The following PDE4D variants were observed in gnomAD, a reference collection of about 807,000 sequenced individuals.
The protein encoded by PDE4D is phosphodiesterase 4D, also known as 3',5'-cyclic-AMP phosphodiesterase 4D.
In PDE4D, 24 loss-of-function variants were observed where a neutral mutation model predicts 87.4. That is an observed-to-expected ratio of 0.27 (90% CI 0.20 to 0.39). The LOEUF is 0.39. PDE4D is among the 10% of genes least tolerant of loss of function. The pLI is 1.00. For synonymous variants in PDE4D, 384 were observed against 383.2 expected (o/e 1.00, Z -0.02); for missense variants, 714 against 1,041.0 (o/e 0.69, Z 4.32).
intron 1 of PDE4D, among the ~76,000 whole-genome samples, chr5:59,608,486 T>C (rs944386944): frequency 1.3e-5 from 2 of 152,150 alleles, no homozygotes; most frequent in African/African-American, 4.8e-5. Context: ...ATGTATTTCC[T>C]TGGATATTGG....
At chr5:59,174,749 G>C (rs1361123861) in intron 5 of PDE4D, among the ~76,000 whole-genome samples, 1 of 151,972 alleles carries the variant, frequency 6.6e-6, no homozygotes, top group African/African-American at 2.4e-5. Context: ...GAATCTAATG[G>C]TTTATTTTAC....
In PDE4D at chr5:59,395,769, C is replaced by T. The variant is rs546759157; in HGVS notation, c.456-179801G>A. On this transcript the variant is annotated intron_variant, in intron 1 of 14. Coordinates refer to ENST00000340635, the MANE Select transcript of PDE4D (RefSeq NM_001104631.2). ...CGAGCTGAGAGAAGAAGGCTTCAGA[C>T]GATCAAATTACTCTGAGCTACGGGA... is the stretch of plus-strand genomic sequence containing the variant. Among the ~76,000 whole-genome samples, 1,216 of 127,096 alleles carry T rather than the reference C, an allele frequency of 9.6e-3. 66 individuals are homozygous for T. Among genetic ancestry groups the T allele is most frequent in the African/African-American group, 0.036 (1,151 of 32,226 alleles). 83.4% of individuals were successfully genotyped at this position (127,096 alleles called of 152,430 possible).
Position 59,548,953 on chromosome 5 carries a change from G to T in PDE4D, c.456-332985C>A, listed in dbSNP as rs971947829. 7.9e-5 allele frequency among the ~76,000 whole-genome samples: 12 copies of T among 152,044 alleles called. 1 individual carries two copies. Among genetic ancestry groups the T allele is most frequent in the Admixed American group, 7.9e-4 (12 of 15,244 alleles). On this transcript the variant is annotated intron_variant, in intron 1 of 14. Coordinates refer to ENST00000340635, the MANE Select transcript of PDE4D (RefSeq NM_001104631.2). ...TGGGCAAACAGAAATAGGAGTTAGG[G>T]GTGGCTGTAGGTTCCACGAATCATT...
intron 5 of PDE4D, chr5:59,063,165 C>G (rs1297299224): frequency 1.3e-5 from 2 of 152,178 alleles, no homozygotes; most frequent in African/African-American, 2.4e-5. Context: ...ATTGCCTAAA[C>G]CACAGGCTAC....
intron 1 of PDE4D, among the ~76,000 whole-genome samples, chr5:59,559,085 CTCTGTGG>C (rs1222636189): frequency 6.6e-6 from 1 of 152,024 alleles, no homozygotes; most frequent in Non-Finnish European, 1.5e-5. Flanking sequence ...TGGCTCTGTG[CTCTGTGG>C]TCATGAGGAA....
chr5:59,248,646 C>G (rs924215683), intron 1 of PDE4D, among the ~76,000 whole-genome samples: 2 of 151,722 alleles, frequency 1.3e-5, no homozygotes, highest in African/African-American at 4.9e-5. Flanking sequence ...ATGTTTCTCT[C>G]AATGGGTTGC....
chr5:59,900,285 C>CAT (rs1166754492), intron 3 of PDE4D, among the ~76,000 whole-genome samples: 1 of 142,940 alleles, frequency 7.0e-6, no homozygotes, highest in African/African-American at 2.6e-5. Context: ...CACACACACA[C>CAT]ACATATATAT....
chr5:59,148,079 A>G (rs1272863202), intron 5 of PDE4D, among the ~76,000 whole-genome samples: 2 of 152,188 alleles, frequency 1.3e-5, no homozygotes, highest in Non-Finnish European at 1.5e-5. Flanking sequence ...ATGAATTGAT[A>G]TTCAAGCCAA....
At chr5:60,257,238 AAGAAAGAAAGAAAG>A (rs1182668874) in intron 1 of PDE4D, among the ~76,000 whole-genome samples, 1 of 150,124 alleles carries the variant, frequency 6.7e-6, no homozygotes, top group East Asian at 2.0e-4. Context: ...GAAAGAAAGA[AAGAAAGAAAGAAAG>A]AAAAGAAAAG....
rs188270620 is a variant in PDE4D at position 60,141,866 on chromosome 5, C to T, written c.42+43691G>A. ...AAGACATCTAACCAAAATAAATTTA[C>T]TTAACCTGACTCTTGATTTCTCATC... On this transcript the variant is annotated intron_variant, in intron 2 of 16. Coordinates refer to the PDE4D transcript ENST00000502484. 2.6e-3 allele frequency among the ~76,000 whole-genome samples: 401 copies of T among 152,212 alleles called. 3 individuals carry two copies. Among genetic ancestry groups the T allele is most frequent in the African/African-American group, 9.3e-3 (386 of 41,536 alleles).
rs560728683 is a variant in PDE4D, at chr5:59,231,858, G to C, written c.456-15890C>G. On this transcript the variant is annotated intron_variant, in intron 1 of 14. Transcript: ENST00000340635. The stretch of plus-strand genomic sequence containing the variant: ...CATTATGACATTTCTCATTACCTAA[G>C]TGCTTAAGAGATGTTAGAGAATAAG... Among the ~76,000 whole-genome samples the C allele has an allele frequency of 1.2e-4, 19 of 152,222 alleles. No homozygotes were observed. In the East Asian group the frequency reaches 3.5e-3, roughly 28 times the overall value.
chr5:60,462,929 C>A (rs1747070888), intron 1 of PDE4D, among the ~76,000 whole-genome samples: 1 of 152,168 alleles, frequency 6.6e-6, no homozygotes, highest in Non-Finnish European at 1.5e-5. Context: ...ATATGTGGTT[C>A]CAACTTCTGT....
intron 1 of PDE4D, among the ~76,000 whole-genome samples, chr5:59,244,459 T>TATATAC (rs1485552071): frequency 1.5e-4 from 23 of 151,076 alleles, no homozygotes; most frequent in Non-Finnish European, 2.9e-4. Flanking sequence ...CACATATATA[T>TATATAC]ATATACATAT....
At chr5:59,640,887 C>T (rs936884030) in intron 1 of PDE4D, among the ~76,000 whole-genome samples, 2 of 152,202 alleles carry the variant, frequency 1.3e-5, no homozygotes, top group African/African-American at 2.4e-5. Context: ...CATTATCATT[C>T]TGTAACTCCA....
At position 59,280,154 on chromosome 5, in the gene PDE4D, A is replaced by C. The variant is rs554182931; in HGVS notation, c.456-64186T>G. ...AGTTTGTTAGCCATAAAATATGATAAGGTCTTTGACCATCTCACAACATGA... is the reference window on the plus strand; with the variant it reads ...AGTTTGTTAGCCATAAAATATGATACGGTCTTTGACCATCTCACAACATGA... On this transcript the variant is annotated intron_variant, in intron 1 of 14. Coordinates refer to ENST00000340635, the MANE Select transcript of PDE4D (RefSeq NM_001104631.2). Among the ~76,000 whole-genome samples the C allele has an allele frequency of 3.7e-4, 56 of 152,198 alleles. 1 individual carries two copies. Among genetic ancestry groups the C allele is most frequent in the African/African-American group, 1.3e-3 (55 of 41,566 alleles).
intron 1 of PDE4D, among the ~76,000 whole-genome samples, chr5:59,267,444 G>A (rs1412619164): frequency 2.6e-5 from 4 of 152,068 alleles, no homozygotes; most frequent in African/African-American, 7.2e-5. Context: ...TAGATACAAC[G>A]GGAGCACTTT....
At chr5:59,403,129 A>ATAGGTAGGTAGG (rs151232838) in intron 1 of PDE4D, among the ~76,000 whole-genome samples, 28 of 146,490 alleles carry the variant, frequency 1.9e-4, no homozygotes, top group African/African-American at 6.7e-4. Context: ...TTGGTACATA[A>ATAGGTAGGTAGG]TAGGTAGGTA....
chr5:60,317,582 G>A (rs191653532), intron 1 of PDE4D, among the ~76,000 whole-genome samples: 32 of 152,078 alleles, frequency 2.1e-4, no homozygotes, highest in African/African-American at 7.7e-4. Flanking sequence ...GTGATGTTAG[G>A]GTGTCCATTT....
intron 1 of PDE4D, among the ~76,000 whole-genome samples, chr5:59,410,124 G>A (rs1792390744): frequency 6.6e-6 from 1 of 151,746 alleles, no homozygotes; most frequent in African/African-American, 2.4e-5. Flanking sequence ...ATAAATTATT[G>A]TTGACTGTAG....
Sources: gnomAD v4.1 joint callset for allele counts (sites outside exome capture counted in the v4.1 genomes callset) on GRCh38, gnomAD v4.1.1 for gene constraint, MANE v1.5 for transcripts, NCBI Gene and HGNC (gene_info 2026-07-23, HGNC 2026-07-21) for gene names.